Variants in SORCS3 observed in about 807,000 individuals in gnomAD.
SORCS3 encodes the protein sortilin related VPS10 domain containing receptor 3.
Under a neutral mutation model 146.3 loss-of-function variants are expected in SORCS3, and 57 were observed. That is an observed-to-expected ratio of 0.39 (90% CI 0.31 to 0.49). The LOEUF is 0.49. Ranked by LOEUF, SORCS3 falls within the 20% of genes least tolerant of loss-of-function variation. The pLI, the probability that SORCS3 is intolerant of heterozygous loss-of-function variation, is 0.92. For missense variants in SORCS3, 1,341 were observed against 1,575.5 expected (o/e 0.85, Z 2.52); for synonymous variants, 653 against 618.5 (o/e 1.06, Z -0.83).
chr10:105,242,521 T>G (rs1476811502), intron 20 of SORCS3, among the ~76,000 whole-genome samples: 5 of 105,754 alleles, frequency 4.7e-5, no homozygotes, highest in Admixed American at 2.7e-4. Context: ...TTTATATACA[T>G]TTATATATAT....
At chr10:104,924,754 G>A (rs2019122176) in intron 3 of SORCS3, among the ~76,000 whole-genome samples, 1 of 152,136 alleles carries the variant, frequency 6.6e-6, no homozygotes, top group South Asian at 2.1e-4. Context: ...TGTAAAATGG[G>A]GATAAAAGAT....
rs777456023 is a variant in SORCS3 at position 104,995,158 on chromosome 10, C to CT, written c.954+17668dup. Among the ~76,000 whole-genome samples the CT allele has an allele frequency of 4.4e-4, 62 of 140,980 alleles. 1 individual carries two copies. The highest frequency in any genetic ancestry group is 3.7e-3 in the Middle Eastern group (1 of 272). The allele number at this position is 140,980 out of a possible 152,430, so 92.5% of individuals were successfully genotyped here. On this transcript the variant is annotated intron_variant, in intron 4 of 26. Coordinates refer to ENST00000369701, the MANE Select transcript of SORCS3 (RefSeq NM_014978.3). ...TCTTTTTCTTTTCTTTTCTTTCTTT[C>CT]TTTCTCTTTTTTTTTTTTTGGGATG...
chr10:104,689,788 G>A (rs1288830625), intron 1 of SORCS3, among the ~76,000 whole-genome samples: 2 of 152,162 alleles, frequency 1.3e-5, no homozygotes, highest in Non-Finnish European at 2.9e-5. Flanking sequence ...GGGCTGGACA[G>A]TGAGGCATGG....
At chr10:105,143,993 A>C (rs1159007417) in intron 8 of SORCS3, among the ~76,000 whole-genome samples, 1 of 152,118 alleles carries the variant, frequency 6.6e-6, no homozygotes, top group Non-Finnish European at 1.5e-5. Flanking sequence ...ATGCTTCCGC[A>C]ATTAATTTGA....
intron 7 of SORCS3, among the ~76,000 whole-genome samples, chr10:105,117,074 C>A (rs967538508): frequency 2.6e-5 from 4 of 151,932 alleles, no homozygotes; most frequent in Non-Finnish European, 5.9e-5. Flanking sequence ...TGGATCAGTA[C>A]TCTTCTCTTA....
At chr10:104,919,646 A>G (rs2019067335) in intron 3 of SORCS3, among the ~76,000 whole-genome samples, 1 of 151,996 alleles carries the variant, frequency 6.6e-6, no homozygotes, top group South Asian at 2.1e-4. Context: ...CAGAGGTCAC[A>G]CCATTGCACT....
At chr10:104,900,464 A>T (rs1177862533) in intron 2 of SORCS3, among the ~76,000 whole-genome samples, 1 of 152,220 alleles carries the variant, frequency 6.6e-6, no homozygotes, top group Non-Finnish European at 1.5e-5. Context: ...CTAACAGCTT[A>T]GTCCTTTCAA....
intron 3 of SORCS3, among the ~76,000 whole-genome samples, chr10:104,957,920 C>A (rs1050277920): frequency 1.3e-5 from 2 of 152,032 alleles, no homozygotes; most frequent in African/African-American, 4.8e-5. Flanking sequence ...ACCCAAACGC[C>A]TATGATCACA....
intron 4 of SORCS3, among the ~76,000 whole-genome samples, chr10:105,029,841 T>G (rs1398666005): frequency 6.6e-6 from 1 of 152,218 alleles, no homozygotes; most frequent in African/African-American, 2.4e-5. Context: ...CCTCAAGAAT[T>G]ACCTGAACAG....
At chr10:105,124,949 C>T (rs1412311394) in intron 7 of SORCS3, among the ~76,000 whole-genome samples, 3 of 152,196 alleles carry the variant, frequency 2.0e-5, no homozygotes, top group Non-Finnish European at 4.4e-5. Flanking sequence ...ACTGCCTGCC[C>T]AGGTAGCGAC....
At chr10:105,229,967 C>T (rs920423426) in intron 20 of SORCS3, among the ~76,000 whole-genome samples, 1 of 152,136 alleles carries the variant, frequency 6.6e-6, no homozygotes, top group African/African-American at 2.4e-5. Flanking sequence ...TGAGCAGTTT[C>T]CACTGATGTT....
At chr10:104,890,700 T>C (rs1420074156) in intron 2 of SORCS3, among the ~76,000 whole-genome samples, 1 of 152,204 alleles carries the variant, frequency 6.6e-6, no homozygotes, top group Non-Finnish European at 1.5e-5. Context: ...TTTGTCAACA[T>C]TGGTAATATT....
At chr10:105,063,545 A>G (rs144521322) in intron 5 of SORCS3, among the ~76,000 whole-genome samples, 2 of 152,364 alleles carry the variant, frequency 1.3e-5, no homozygotes, top group East Asian at 3.9e-4. Flanking sequence ...AACTTCAAAT[A>G]TAATCACTTG....
intron 4 of SORCS3, among the ~76,000 whole-genome samples, chr10:104,978,673 C>T (rs1020357668): frequency 3.3e-5 from 5 of 152,168 alleles, no homozygotes; most frequent in African/African-American, 9.7e-5. Context: ...TCTTTTGATT[C>T]CATCCTCTTC....
chr10:105,016,155 A>ATTTTTTTTTT (rs10625699), intron 4 of SORCS3, among the ~76,000 whole-genome samples: 4 of 101,344 alleles, frequency 3.9e-5, no homozygotes, highest in African/African-American at 1.9e-4. Flanking sequence ...ATATATATAT[A>ATTTTTTTTTT]TTTTTTTTTT....
intron 7 of SORCS3, among the ~76,000 whole-genome samples, chr10:105,136,691 G>T (rs866286737): frequency 8.5e-5 from 13 of 152,132 alleles, no homozygotes; most frequent in African/African-American, 3.1e-4. Context: ...TTACACTGAG[G>T]TTTAATGCAT....
intron 1 of SORCS3, among the ~76,000 whole-genome samples, chr10:104,679,950 A>ATATTGT (rs2133263928): frequency 6.6e-6 from 1 of 152,320 alleles, no homozygotes; most frequent in East Asian, 1.9e-4. Context: ...GAGAGAGCAT[A>ATATTGT]TATTGTTATC....
intron 3 of SORCS3, among the ~76,000 whole-genome samples, chr10:104,939,262 A>C (rs936638183): frequency 6.6e-6 from 1 of 152,114 alleles, no homozygotes; most frequent in Non-Finnish European, 1.5e-5. Context: ...CCTAGCATGT[A>C]TCTTCCTGTA....
chr10:105,236,802 C>T (rs573492146), intron 20 of SORCS3, among the ~76,000 whole-genome samples: 1 of 152,152 alleles, frequency 6.6e-6, no homozygotes, highest in East Asian at 1.9e-4. Flanking sequence ...GAATGAGTCA[C>T]TTAATTTGAG....
Sources: gnomAD v4.1 joint callset for allele counts (sites outside exome capture counted in the v4.1 genomes callset) on GRCh38, gnomAD v4.1.1 for gene constraint, MANE v1.5 for transcripts, NCBI Gene and HGNC (gene_info 2026-07-23, HGNC 2026-07-21) for gene names.